The following ZNF365 variants were observed in gnomAD, a reference collection of about 807,000 sequenced individuals.
The protein encoded by ZNF365 is zinc finger protein 365.
A neutral mutation model predicts 35.0 loss-of-function variants in ZNF365; 22 were observed. That is an observed-to-expected ratio of 0.63 (90% CI 0.45 to 0.90). The LOEUF (loss-of-function observed/expected upper bound fraction) is 0.90. Among genes scored for constraint, ZNF365 ranks in the 40% least tolerant of loss-of-function variants. The probability of loss-of-function intolerance (pLI) is 0.00; values close to 1 mark genes in which losing one functional copy is unlikely to be tolerated. For synonymous variants in ZNF365, 188 were observed against 196.2 expected (o/e 0.96, Z 0.35); for missense variants, 448 against 500.3 (o/e 0.90, Z 1.00).
chr10:62,402,727 T>C (rs1474154445), downstream of ZNF365, among the ~76,000 whole-genome samples: 1 of 152,206 alleles, frequency 6.6e-6, no homozygotes, highest in African/African-American at 2.4e-5. Flanking sequence ...CAACCATGAG[T>C]AATTTTCCTA....
chr10:62,440,172 T>TTTATTTA (rs1554827318), intron 3 of ZNF365, among the ~76,000 whole-genome samples: 1 of 150,628 alleles, frequency 6.6e-6, no homozygotes, highest in Non-Finnish European at 1.5e-5. Flanking sequence ...GAATGCATAG[T>TTTATTTA]TTTATTTATT....
At chr10:62,428,270 T>C (rs931891510) in intron 3 of ZNF365, among the ~76,000 whole-genome samples, 1 of 152,166 alleles carries the variant, frequency 6.6e-6, no homozygotes, top group Non-Finnish European at 1.5e-5. Context: ...GGCCTTGATA[T>C]GGTTTGGCTG....
At chr10:62,443,278 G>A (rs893538528) in intron 3 of ZNF365, among the ~76,000 whole-genome samples, 2 of 152,206 alleles carry the variant, frequency 1.3e-5, no homozygotes, top group Non-Finnish European at 2.9e-5. Flanking sequence ...CCCTTTGAAA[G>A]CATATAATTA....
At chr10:62,427,017 A>G (rs1840260374) in intron 3 of ZNF365, among the ~76,000 whole-genome samples, 1 of 152,226 alleles carries the variant, frequency 6.6e-6, no homozygotes, top group African/African-American at 2.4e-5. Context: ...CATATATGAC[A>G]ATGGTCCCAT....
Position 62,399,920 on chromosome 10 carries a change from A to G in ZNF365, c.*131A>G. Reference sequence around the variant, plus strand: ...AAAAGCCAAGGGCATAACACAGGCAAGCACCTCAATTAACCAGAGCTTAGC... The same window carrying G: ...AAAAGCCAAGGGCATAACACAGGCAGGCACCTCAATTAACCAGAGCTTAGC... On this transcript the variant is annotated 3_prime_UTR_variant, in exon 5 of 5. Transcript: ENST00000395254. The G allele has an allele frequency of 7.0e-7, 1 of 1,425,526 alleles. No individual in the cohort carries two copies. The allele number at this position is 1,425,526 out of a possible 1,614,324, so 88.3% of individuals were successfully genotyped here.
intron 3 of ZNF365, among the ~76,000 whole-genome samples, chr10:62,434,620 C>G (rs989210053): frequency 6.6e-6 from 1 of 152,094 alleles, no homozygotes; most frequent in Non-Finnish European, 1.5e-5. Flanking sequence ...GAAGACTGCA[C>G]GGAACCGGCT....
intron 3 of ZNF365, among the ~76,000 whole-genome samples, chr10:62,459,151 G>A (rs1356796451): frequency 1.3e-5 from 2 of 152,222 alleles, no homozygotes; most frequent in East Asian, 3.8e-4. Flanking sequence ...CATAGATGGA[G>A]GGAGAGCTTC....
At chr10:62,394,481 T>G (rs1839688900) in intron 3 of ZNF365, among the ~76,000 whole-genome samples, 2 of 152,200 alleles carry the variant, frequency 1.3e-5, no homozygotes, top group Admixed American at 1.3e-4. Context: ...ACACTTAAAA[T>G]AAGATTATCC....
chr10:62,395,814 T>G (rs889500180), intron 3 of ZNF365, among the ~76,000 whole-genome samples: 3 of 152,196 alleles, frequency 2.0e-5, no homozygotes, highest in African/African-American at 7.2e-5. Context: ...ATTCTAAATC[T>G]GAAGGACTTC....
intron 4 of ZNF365, among the ~76,000 whole-genome samples, chr10:62,466,344 G>A (rs551418894): frequency 1.3e-5 from 2 of 152,324 alleles, no homozygotes; most frequent in Admixed American, 1.3e-4. Flanking sequence ...GGCACCTGGA[G>A]CTGCCCACTC....
At chr10:62,393,315 C>T (rs1231688121) in intron 3 of ZNF365, among the ~76,000 whole-genome samples, 2 of 152,176 alleles carry the variant, frequency 1.3e-5, no homozygotes, top group East Asian at 1.9e-4. Flanking sequence ...GTAGCCTAGT[C>T]GTTTATTGTC....
intron 3 of ZNF365, among the ~76,000 whole-genome samples, chr10:62,415,208 C>T (rs772828034): frequency 6.6e-6 from 1 of 152,094 alleles, no homozygotes; most frequent in Non-Finnish European, 1.5e-5. Flanking sequence ...AGTCCTCACT[C>T]TCAGCATGTG....
chr10:62,409,502 G>A (rs567136799), intron 3 of ZNF365, among the ~76,000 whole-genome samples: 1 of 152,134 alleles, frequency 6.6e-6, no homozygotes, highest in Non-Finnish European at 1.5e-5. Flanking sequence ...TTGGGGAAGT[G>A]AGGAACCATT....
chr10:62,444,039 T>G (rs1035034552), intron 3 of ZNF365, among the ~76,000 whole-genome samples: 2 of 152,224 alleles, frequency 1.3e-5, no homozygotes, highest in Admixed American at 1.3e-4. Context: ...TTATCAAGGA[T>G]TAGGCAATCC....
chr10:62,390,334 C>A (rs764756925), intron 3 of ZNF365, among the ~76,000 whole-genome samples: 1 of 152,040 alleles, frequency 6.6e-6, no homozygotes, highest in Non-Finnish European at 1.5e-5. Flanking sequence ...TATAAGTCAT[C>A]CAGAGCTAAG....
chr10:62,409,814 T>C (rs1201838717), intron 3 of ZNF365, among the ~76,000 whole-genome samples: 1 of 152,150 alleles, frequency 6.6e-6, no homozygotes, highest in Admixed American at 6.5e-5. Flanking sequence ...CAATATTTAT[T>C]TGGGGTCCTG....
chr10:62,398,060 T>C (rs1564573590), intron 3 of ZNF365, among the ~76,000 whole-genome samples: 1 of 152,174 alleles, frequency 6.6e-6, no homozygotes, highest in Non-Finnish European at 1.5e-5. Flanking sequence ...TAACTAAAAG[T>C]AGAACTACTG....
downstream of ZNF365, among the ~76,000 whole-genome samples, chr10:62,405,759 T>A (rs1223505623): frequency 6.6e-6 from 1 of 152,238 alleles, no homozygotes; most frequent in East Asian, 1.9e-4. Context: ...CATTTCACAT[T>A]GGTTGTTTGC....
chr10:62,456,906 G>A (rs1840770414), intron 3 of ZNF365, among the ~76,000 whole-genome samples: 3 of 152,188 alleles, frequency 2.0e-5, no homozygotes, highest in Admixed American at 2.0e-4. Flanking sequence ...ATGTGTATGT[G>A]TGGGTTGGCT....
Sources: gnomAD v4.1 joint callset for allele counts (sites outside exome capture counted in the v4.1 genomes callset) on GRCh38, gnomAD v4.1.1 for gene constraint, MANE v1.5 for transcripts, NCBI Gene and HGNC (gene_info 2026-07-23, HGNC 2026-07-21) for gene names.